Variants in CABIN1 observed in about 807,000 individuals in gnomAD.
CABIN1 encodes the protein calcineurin binding protein 1, also known as calcineurin-binding protein cabin-1.
Under a neutral mutation model 227.7 loss-of-function variants are expected in CABIN1, and 133 were observed. The ratio of observed to expected loss-of-function variants is 0.58; its 90% confidence interval spans 0.51 to 0.67. The LOEUF (loss-of-function observed/expected upper bound fraction) is 0.67. Ranked by LOEUF, CABIN1 falls within the 30% of genes least tolerant of loss-of-function variation. The probability of loss-of-function intolerance (pLI) is 0.00; values close to 1 mark genes in which losing one functional copy is unlikely to be tolerated. For missense variants in CABIN1, 2,408 were observed against 2,852.5 expected, an observed-to-expected ratio of 0.84 and a Z score of 3.55; for synonymous variants, 1,086 against 1,155.1, an observed-to-expected ratio of 0.94 and a Z score of 1.21.
At chr22:24,147,177 C>T (rs188169229) in intron 29 of CABIN1, among the ~76,000 whole-genome samples, 1 of 152,298 alleles carries the variant, frequency 6.6e-6, no homozygotes, top group Admixed American at 6.5e-5. Flanking sequence ...CTTCATTTCC[C>T]ACCACAAGTT....
chr22:24,065,371 G>T (rs2039561297), intron 15 of CABIN1, among the ~76,000 whole-genome samples: 1 of 151,628 alleles, frequency 6.6e-6, no homozygotes, highest in African/African-American at 2.4e-5. Context: ...TCAGATAATG[G>T]GCAGCCGGGC....
At chr22:24,033,808 G>T (rs1195796234) in intron 1 of CABIN1, among the ~76,000 whole-genome samples, 2 of 152,152 alleles carry the variant, frequency 1.3e-5, no homozygotes, top group Non-Finnish European at 2.9e-5. Flanking sequence ...AAATTCAGTG[G>T]TTTTTAGTAT....
chr22:24,085,772 G>A (rs942595153), intron 22 of CABIN1, among the ~76,000 whole-genome samples: 1 of 152,162 alleles, frequency 6.6e-6, no homozygotes, highest in African/African-American at 2.4e-5. Context: ...AAAGTTTGAT[G>A]CACTTGATTA....
At chr22:24,158,791 T>G (rs1399454886) in intron 29 of CABIN1, among the ~76,000 whole-genome samples, 2 of 152,200 alleles carry the variant, frequency 1.3e-5, no homozygotes, top group Admixed American at 6.5e-5. Flanking sequence ...ACTGGGAAGT[T>G]GGGCTTCCCC....
chr22:24,142,165 C>T (rs1002000647), intron 29 of CABIN1, among the ~76,000 whole-genome samples: 2 of 152,064 alleles, frequency 1.3e-5, no homozygotes, highest in Non-Finnish European at 2.9e-5. Flanking sequence ...ACAGTGGACC[C>T]ACCTTCCAGA....
chr22:24,071,123 C>T (rs1371505676), intron 17 of CABIN1, 81 bp downstream of exon 17: 7 of 1,584,388 alleles, frequency 4.4e-6, no homozygotes, highest in Non-Finnish European at 6.1e-6. Flanking sequence ...TAGTTCATAG[C>T]TTTCATTGCT....
intron 1 of CABIN1, among the ~76,000 whole-genome samples, chr22:24,025,960 A>C (rs535120748): frequency 1.3e-5 from 2 of 152,202 alleles, no homozygotes; most frequent in South Asian, 2.1e-4. Context: ...TCAGCCCCCT[A>C]GTAGCTGGAA....
intron 23 of CABIN1, 134 bp downstream of exon 23, chr22:24,087,847 C>T: frequency 8.5e-7 from 1 of 1,182,424 alleles, no homozygotes; most frequent in Non-Finnish European, 1.2e-6. Flanking sequence ...TGACGAATCT[C>T]CCCATGAGGC....
intron 1 of CABIN1, among the ~76,000 whole-genome samples, chr22:24,015,883 G>C (rs1030141469): frequency 2.0e-5 from 3 of 152,068 alleles, no homozygotes; most frequent in Admixed American, 6.5e-5. Flanking sequence ...GCTTGAACCC[G>C]GGAGGCAGAG....
At chr22:24,011,716 G>A (rs1196899644) in intron 1 of CABIN1, 4 of 152,324 alleles carry the variant, frequency 2.6e-5, no homozygotes, top group Non-Finnish European at 5.9e-5. Context: ...CACCTTCACA[G>A]CAGCCCTGCG....
intron 23 of CABIN1, among the ~76,000 whole-genome samples, chr22:24,091,117 G>A (rs1213654174): frequency 1.3e-5 from 2 of 152,178 alleles, no homozygotes; most frequent in Non-Finnish European, 2.9e-5. Flanking sequence ...CTCCACATCT[G>A]TCTTAAAGAG....
chr22:24,177,961 AG>A lies in CABIN1; in HGVS notation c.6520-86del. ...GGCCTGGGGCAGGGGTGAGGGTGGG[AG>A]GGGGGCCTGGGGCAGGGGTGAAGGT... On this transcript the variant is annotated intron_variant, in intron 36 of 36. Transcript: ENST00000263119. The surrounding 1 kb of genome is among the most constrained non-coding windows in gnomAD (Gnocchi z 4.4). The A allele has an allele frequency of 1.1e-6, 1 of 924,172 alleles. No homozygotes were observed. The highest frequency in any genetic ancestry group is 1.5e-6 in the Non-Finnish European group (1 of 677,776). The allele number at this position is 924,172 out of a possible 1,614,324, so 57.2% of individuals were successfully genotyped here. A position where few individuals can be genotyped will look rare whatever the true frequency, so the allele number is the denominator to read the frequency against.
chr22:24,046,889 G>T (rs1447808613), intron 6 of CABIN1, among the ~76,000 whole-genome samples: 1 of 151,816 alleles, frequency 6.6e-6, no homozygotes, highest in Non-Finnish European at 1.5e-5. Flanking sequence ...TAGTGAGAAG[G>T]TAGAAAACCC....
At chr22:24,095,707 A>G (rs978006010) in intron 24 of CABIN1, among the ~76,000 whole-genome samples, 4 of 152,232 alleles carry the variant, frequency 2.6e-5, no homozygotes, top group African/African-American at 9.7e-5. Flanking sequence ...TGCCTGAGTT[A>G]CTGCGTGAAC....
intron 1 of CABIN1, among the ~76,000 whole-genome samples, chr22:24,030,832 G>C (rs1010592327): frequency 6.6e-6 from 1 of 152,046 alleles, no homozygotes; most frequent in African/African-American, 2.4e-5. Flanking sequence ...TAGTTATTTA[G>C]TCATTCATCT....
chr22:24,176,170 C>T lies in CABIN1; in HGVS notation c.6100C>T (p.His2034Tyr), dbSNP rs951365974. 6.2e-7 allele frequency: 1 copy of T among 1,611,034 alleles called. No homozygotes were observed. Among genetic ancestry groups the T allele is most frequent in the Non-Finnish European group, 8.5e-7 (1 of 1,179,230 alleles). The stretch of plus-strand genomic sequence containing the variant: ...CAGCTTCCCGCCTCAGGAGCCACGG[C>T]ACAGTCCGCAGGTGAAGATGGCCCC... ...GTSFPPQEPR[H>Y]SPQVKMAPTS... Residue 2034 changes from histidine to tyrosine, a missense_variant, in exon 35 of 37, where the codon CAC becomes TAC. This residue lies in a region of CABIN1 where 714 missense variants were observed against 773.8 expected (regional missense o/e 0.92). Transcript: ENST00000263119.
At chr22:24,118,289 A>G (rs1379126889) in intron 27 of CABIN1, among the ~76,000 whole-genome samples, 1 of 152,082 alleles carries the variant, frequency 6.6e-6, no homozygotes, top group Non-Finnish European at 1.5e-5. Context: ...CAGGTGGCTG[A>G]GGGGAACATA....
chr22:24,064,943 G>T (rs1418871446), intron 15 of CABIN1, among the ~76,000 whole-genome samples: 1 of 149,552 alleles, frequency 6.7e-6, no homozygotes, highest in African/African-American at 2.4e-5. Context: ...GCAACCATCC[G>T]ATTTCTCAAT....
chr22:24,120,048 C>T (rs1422692967), intron 28 of CABIN1, among the ~76,000 whole-genome samples: 2 of 152,224 alleles, frequency 1.3e-5, no homozygotes, highest in African/African-American at 4.8e-5. Context: ...TCCCTCACCC[C>T]TGCCATTCAC....
Sources: gnomAD v4.1 joint callset for allele counts (sites outside exome capture counted in the v4.1 genomes callset) on GRCh38, gnomAD v4.1.1 for gene constraint, gnomAD v4.1.1 regional missense constraint, Gnocchi (gnomAD v3.1) non-coding constraint, MANE v1.5 for transcripts, NCBI Gene and HGNC (gene_info 2026-07-23, HGNC 2026-07-21) for gene names.